HDAC9: variants seen among roughly 807,000 people sequenced by gnomAD.
The protein encoded by HDAC9 is histone deacetylase 9, also known as MEF-2 interacting transcription repressor (MITR) protein.
Under a neutral mutation model 139.4 loss-of-function variants are expected in HDAC9, and 41 were observed. That is an observed-to-expected ratio of 0.29 (90% CI 0.23 to 0.38). The LOEUF is 0.38. Among genes scored for constraint, HDAC9 ranks in the 10% least tolerant of loss-of-function variants. The probability of loss-of-function intolerance (pLI) is 1.00; values close to 1 mark genes in which losing one functional copy is unlikely to be tolerated. For missense variants in HDAC9, 1,147 were observed against 1,297.0 expected, an observed-to-expected ratio of 0.88 and a Z score of 1.78; for synonymous variants, 517 against 476.2, an observed-to-expected ratio of 1.09 and a Z score of -1.12.
intron 1 of HDAC9, among the ~76,000 whole-genome samples, chr7:18,310,693 A>G (rs566541857): frequency 1.3e-5 from 2 of 152,192 alleles, no homozygotes; most frequent in Non-Finnish European, 2.9e-5. Flanking sequence ...CACCTTTGAT[A>G]TATACCTGCA....
intron 1 of HDAC9, among the ~76,000 whole-genome samples, chr7:18,421,757 A>G (rs534865553): frequency 1.3e-5 from 2 of 152,196 alleles, no homozygotes; most frequent in Non-Finnish European, 2.9e-5. Flanking sequence ...TCTTAACCTT[A>G]GCTCACCACG....
At chr7:18,875,691 G>A (rs1354243906) in intron 22 of HDAC9, among the ~76,000 whole-genome samples, 1 of 152,104 alleles carries the variant, frequency 6.6e-6, no homozygotes, top group East Asian at 1.9e-4. Flanking sequence ...TCATGATTTT[G>A]GTAAAATTGA....
intron 1 of HDAC9, among the ~76,000 whole-genome samples, chr7:18,321,129 A>C (rs1799999633): frequency 6.6e-6 from 1 of 152,154 alleles, no homozygotes; most frequent in African/African-American, 2.4e-5. Flanking sequence ...AGTTCTATAG[A>C]TGTGTCAGAA....
intron 23 of HDAC9, among the ~76,000 whole-genome samples, chr7:18,944,739 AC>A (rs1782256117): frequency 6.6e-6 from 1 of 152,114 alleles, no homozygotes; most frequent in African/African-American, 2.4e-5. Flanking sequence ...TCTGAAAGTA[AC>A]CAATTTTCTG....
intron 24 of HDAC9, among the ~76,000 whole-genome samples, chr7:18,965,454 T>C (rs7802855): frequency 0.46 from 69,429 of 152,026 alleles, 16,249 homozygotes; most frequent in East Asian, 0.58. Context: ...TGTTGGGAGA[T>C]TATCTTGGTT....
intron 1 of HDAC9, among the ~76,000 whole-genome samples, chr7:18,297,887 A>G (rs1461670972): frequency 6.6e-6 from 1 of 152,180 alleles, no homozygotes; most frequent in African/African-American, 2.4e-5. Context: ...AAAATGTTCT[A>G]TGCTTTTTAG....
chr7:18,783,303 A>G (rs1791410846), intron 16 of HDAC9, among the ~76,000 whole-genome samples: 1 of 152,092 alleles, frequency 6.6e-6, no homozygotes. Flanking sequence ...AAAGAAAAGC[A>G]TTTCTCTATG....
chr7:18,115,142 A>T (rs1783889215), intron 1 of HDAC9, among the ~76,000 whole-genome samples: 1 of 152,148 alleles, frequency 6.6e-6, no homozygotes, highest in Non-Finnish European at 1.5e-5. Context: ...ATGCAAAAAA[A>T]ATTAGCTGGG....
chr7:18,531,708 A>G (rs1264496443), intron 2 of HDAC9, among the ~76,000 whole-genome samples: 1 of 152,076 alleles, frequency 6.6e-6, no homozygotes, highest in Admixed American at 6.5e-5. Flanking sequence ...TAACTCTTTA[A>G]CTATACAATG....
chr7:18,911,877 A>G (rs1047929666), intron 22 of HDAC9, among the ~76,000 whole-genome samples: 1 of 152,060 alleles, frequency 6.6e-6, no homozygotes, highest in Non-Finnish European at 1.5e-5. Flanking sequence ...TATGATTTCA[A>G]TTTTTAAAAA....
At chr7:18,803,390 A>G (rs1467685279) in intron 17 of HDAC9, among the ~76,000 whole-genome samples, 1 of 152,062 alleles carries the variant, frequency 6.6e-6, no homozygotes, top group East Asian at 1.9e-4. Flanking sequence ...CTCGCTATTT[A>G]CCATTTTTCT....
chr7:18,261,043 T>G (rs1795638159), intron 2 of HDAC9, among the ~76,000 whole-genome samples: 1 of 152,070 alleles, frequency 6.6e-6, no homozygotes, highest in South Asian at 2.1e-4. Flanking sequence ...GGGCTCATGT[T>G]TGTAATCCCA....
intron 1 of HDAC9, among the ~76,000 whole-genome samples, chr7:18,384,727 T>C (rs190623004): frequency 1.1e-4 from 16 of 151,632 alleles, no homozygotes; most frequent in Admixed American, 9.8e-4. Context: ...CAGCATGTTA[T>C]GGATCTCTGC....
intron 13 of HDAC9, among the ~76,000 whole-genome samples, chr7:18,738,821 G>A (rs1298009193): frequency 6.6e-6 from 1 of 152,114 alleles, no homozygotes; most frequent in African/African-American, 2.4e-5. Flanking sequence ...TGTGAGGTTG[G>A]GGATGTTCTC....
intron 24 of HDAC9, among the ~76,000 whole-genome samples, chr7:18,964,531 C>T (rs1008171939): frequency 6.6e-6 from 1 of 152,036 alleles, no homozygotes; most frequent in African/African-American, 2.4e-5. Context: ...GTAATAAAAT[C>T]GAAAAGTAAG....
intron 1 of HDAC9, among the ~76,000 whole-genome samples, chr7:18,440,012 T>A (rs1281498433): frequency 6.6e-6 from 1 of 152,178 alleles, no homozygotes; most frequent in Admixed American, 6.5e-5. Context: ...ATGAAATTCA[T>A]CATTGTACCC....
intron 12 of HDAC9, among the ~76,000 whole-genome samples, chr7:18,700,873 A>G (rs1262937376): frequency 6.6e-6 from 1 of 152,012 alleles, no homozygotes; most frequent in East Asian, 1.9e-4. Context: ...TGCTTCTGTT[A>G]CTCCTGCTAT....
intron 12 of HDAC9, among the ~76,000 whole-genome samples, chr7:18,688,319 C>G (rs925773287): frequency 6.6e-6 from 1 of 151,712 alleles, no homozygotes; most frequent in African/African-American, 2.4e-5. Flanking sequence ...ACTGCTGACA[C>G]CGGGAATGCA....
intron 24 of HDAC9, among the ~76,000 whole-genome samples, chr7:18,960,448 A>G (rs1329064487): frequency 6.6e-6 from 1 of 152,012 alleles, no homozygotes; most frequent in Non-Finnish European, 1.5e-5. Flanking sequence ...TAATATTATT[A>G]TATCTGTAGT....
Sources: gnomAD v4.1 joint callset for allele counts (sites outside exome capture counted in the v4.1 genomes callset) on GRCh38, gnomAD v4.1.1 for gene constraint, MANE v1.5 for transcripts, NCBI Gene and HGNC (gene_info 2026-07-23, HGNC 2026-07-21) for gene names.